The following KIAA1217 variants were observed in gnomAD, a reference collection of about 807,000 sequenced individuals.
KIAA1217 encodes sickle tail protein homolog.
In KIAA1217, 88 loss-of-function variants were observed where a neutral mutation model predicts 163.9. That is an observed-to-expected ratio of 0.54 (90% confidence interval 0.45 to 0.64). KIAA1217 has a LOEUF of 0.64. KIAA1217 is among the 30% of genes least tolerant of loss of function. KIAA1217 has a pLI of 0.00. For synonymous variants in KIAA1217, 903 were observed against 923.1 expected (o/e 0.98, Z 0.39); for missense variants, 2,372 against 2,475.0 (o/e 0.96, Z 0.88).
At chr10:23,934,571 ATATATATATATATATATATG>A (rs1213365086) in intron 1 of KIAA1217, among the ~76,000 whole-genome samples, 12 of 76,656 alleles carry the variant, frequency 1.6e-4, no homozygotes, top group Admixed American at 1.2e-3. Context: ...ATATATATAT[ATATATATATATATATATATG>A]TATATATATA....
intron 2 of KIAA1217, among the ~76,000 whole-genome samples, chr10:24,361,628 G>T (rs2050011132): frequency 6.6e-6 from 1 of 152,176 alleles, no homozygotes; most frequent in South Asian, 2.1e-4. Flanking sequence ...ACCATATCAT[G>T]CAGGGCCTCC....
At chr10:23,867,314 T>C (rs1320293678) in intron 1 of KIAA1217, among the ~76,000 whole-genome samples, 2 of 151,838 alleles carry the variant, frequency 1.3e-5, no homozygotes, top group Non-Finnish European at 2.9e-5. Context: ...TAAACATACG[T>C]GTGCATGTGT....
At chr10:24,138,788 A>G (rs772423024) in intron 2 of KIAA1217, among the ~76,000 whole-genome samples, 1 of 152,166 alleles carries the variant, frequency 6.6e-6, no homozygotes, top group Non-Finnish European at 1.5e-5. Flanking sequence ...CACATCCTGA[A>G]CCCAGTGTCT....
chr10:23,890,939 A>G (rs1418778657), intron 1 of KIAA1217, among the ~76,000 whole-genome samples: 9 of 152,086 alleles, frequency 5.9e-5, no homozygotes, highest in Admixed American at 5.2e-4. Context: ...ATATGCATTT[A>G]GAATTGCTAT....
chr10:23,724,757 A>G (rs1039031132), intron 1 of KIAA1217, among the ~76,000 whole-genome samples: 1 of 152,214 alleles, frequency 6.6e-6, no homozygotes, highest in Non-Finnish European at 1.5e-5. Context: ...AACTTCATGT[A>G]CATTTTTTAT....
At chr10:23,926,749 A>ATAAATAAATAAATAAATAAATAAG (rs1554824974) in intron 1 of KIAA1217, among the ~76,000 whole-genome samples, 57 of 151,458 alleles carry the variant, frequency 3.8e-4, no homozygotes, top group African/African-American at 1.4e-3. Context: ...AAATAAATAA[A>ATAAATAAATAAATAAATAAATAAG]TAAATAAATA....
At chr10:23,960,072 C>A (rs559390637) in intron 1 of KIAA1217, among the ~76,000 whole-genome samples, 5 of 151,798 alleles carry the variant, frequency 3.3e-5, no homozygotes, top group African/African-American at 1.2e-4. Flanking sequence ...CCTGCCACCA[C>A]GCCCGGCTAA....
chr10:24,318,662 TG>T (rs75252914), intron 2 of KIAA1217, among the ~76,000 whole-genome samples: 12,541 of 152,234 alleles, frequency 0.082, 706 homozygotes, highest in East Asian at 0.2. Flanking sequence ...GTGCACCTGT[TG>T]GGCACCGCAC....
chr10:24,073,146 C>T (rs2061248000), intron 2 of KIAA1217, among the ~76,000 whole-genome samples: 1 of 151,850 alleles, frequency 6.6e-6, no homozygotes, highest in Non-Finnish European at 1.5e-5. Context: ...ACCAAGCATA[C>T]TCAATTTATA....
chr10:24,288,718 T>G (rs1417804436), intron 2 of KIAA1217, among the ~76,000 whole-genome samples: 1 of 152,144 alleles, frequency 6.6e-6, no homozygotes, highest in African/African-American at 2.4e-5. Flanking sequence ...GAAGAGACCC[T>G]TGGAAGCAAA....
intron 5 of KIAA1217, among the ~76,000 whole-genome samples, chr10:24,458,072 A>G (rs2061989549): frequency 6.6e-6 from 1 of 152,214 alleles, no homozygotes; most frequent in African/African-American, 2.4e-5. Context: ...ATATTTGGCT[A>G]AACTCCTTCA....
At chr10:24,419,282 C>A (rs925367389) in intron 3 of KIAA1217, among the ~76,000 whole-genome samples, 1 of 152,096 alleles carries the variant, frequency 6.6e-6, no homozygotes, top group African/African-American at 2.4e-5. Context: ...CAGATTTGGC[C>A]TCCTGAGTCA....
chr10:24,419,243 C>T (rs147765835), intron 3 of KIAA1217, among the ~76,000 whole-genome samples: 6 of 151,800 alleles, frequency 4.0e-5, no homozygotes, highest in African/African-American at 1.4e-4. Flanking sequence ...TATAACCACT[C>T]ATCAGAAGCT....
At chr10:24,302,306 G>T (rs2041460624) in intron 2 of KIAA1217, among the ~76,000 whole-genome samples, 1 of 152,170 alleles carries the variant, frequency 6.6e-6, no homozygotes, top group Non-Finnish European at 1.5e-5. Flanking sequence ...TGGGTAAGGA[G>T]TGAATCCCTG....
chr10:24,349,463 A>C (rs1010677438), intron 2 of KIAA1217, among the ~76,000 whole-genome samples: 1 of 152,232 alleles, frequency 6.6e-6, no homozygotes, highest in African/African-American at 2.4e-5. Context: ...TCCTGACCAC[A>C]ACTCTGCATA....
chr10:24,406,988 T>C (rs574482571), intron 3 of KIAA1217, among the ~76,000 whole-genome samples: 5 of 152,174 alleles, frequency 3.3e-5, no homozygotes, highest in Non-Finnish European at 7.3e-5. Context: ...GCGCAGAGCC[T>C]TCTATAAAAA....
chr10:24,438,135 G>A (rs750019291), intron 4 of KIAA1217, among the ~76,000 whole-genome samples: 3 of 151,778 alleles, frequency 2.0e-5, no homozygotes, highest in Non-Finnish European at 4.4e-5. Context: ...TTATGGGTGG[G>A]GAACTATACT....
intron 1 of KIAA1217, among the ~76,000 whole-genome samples, chr10:23,946,122 G>C (rs1844029656): frequency 6.6e-6 from 1 of 152,066 alleles, no homozygotes; most frequent in Non-Finnish European, 1.5e-5. Flanking sequence ...CAACCTAATA[G>C]TTATAAACCA....
chr10:23,866,944 A>G (rs1036039908), intron 1 of KIAA1217, among the ~76,000 whole-genome samples: 1 of 150,458 alleles, frequency 6.6e-6, no homozygotes, highest in African/African-American at 2.5e-5. Context: ...GGTGTGCTGC[A>G]CCCATTAACT....
Sources: gnomAD v4.1 joint callset for allele counts (sites outside exome capture counted in the v4.1 genomes callset) on GRCh38, gnomAD v4.1.1 for gene constraint, MANE v1.5 for transcripts, NCBI Gene and HGNC (gene_info 2026-07-23, HGNC 2026-07-21) for gene names.